The following TANC1 variants were observed in gnomAD, a reference collection of about 807,000 sequenced individuals.
The protein encoded by TANC1 is protein TANC1.
Under a neutral mutation model 149.7 loss-of-function variants are expected in TANC1, and 77 were observed. That is an observed-to-expected ratio of 0.51 (90% CI 0.43 to 0.62). The LOEUF is 0.62. Among genes scored for constraint, TANC1 ranks in the 20% least tolerant of loss-of-function variants. TANC1 has a pLI of 0.00. For synonymous variants in TANC1, 854 were observed against 925.0 expected (o/e 0.92, Z 1.39); for missense variants, 1,985 against 2,321.8 (o/e 0.85, Z 2.98).
At chr2:159,074,079 A>G (rs2149743291) in intron 3 of TANC1, among the ~76,000 whole-genome samples, 1 of 152,350 alleles carries the variant, frequency 6.6e-6, no homozygotes, top group African/African-American at 2.4e-5. Flanking sequence ...ATCCAGAATC[A>G]GAGTTAGAAC....
intron 2 of TANC1, among the ~76,000 whole-genome samples, chr2:159,036,768 A>G (rs1294599411): frequency 6.6e-6 from 1 of 152,220 alleles, no homozygotes; most frequent in Admixed American, 6.5e-5. Context: ...ATTGATGGAC[A>G]TTTGGGTTGG....
chr2:159,229,041 T>G, intron 26 of TANC1, 145 bp downstream of exon 26: 1 of 628,478 alleles, frequency 1.6e-6, no homozygotes, highest in South Asian at 1.9e-5. Context: ...TACTACCTGC[T>G]TCCAAGAGGC....
chr2:159,219,615 C>G, intron 21 of TANC1, 77 bp from the exon 22 acceptor site: 1 of 1,562,084 alleles, frequency 6.4e-7, no homozygotes, highest in Non-Finnish European at 8.8e-7. Flanking sequence ...CCGGGTGTTC[C>G]GCAGGTGTGA....
rs5835733 is a variant in TANC1, at chr2:159,086,216, A to ATT, written c.62-11410_62-11409dup. Among the ~76,000 whole-genome samples the ATT allele has an allele frequency of 8.0e-3, 1,192 of 148,200 alleles. 12 individuals carry two copies. The highest frequency in any genetic ancestry group is 0.025 in the African/African-American group (1,030 of 40,478). On this transcript the variant is annotated intron_variant, in intron 3 of 26. Coordinates refer to ENST00000263635, the MANE Select transcript of TANC1 (RefSeq NM_033394.3). ...TTATAAATTAAGAGGGTGTATTTGG[A>ATT]TTTTTTTTTTTTGAGAAAGTTTAAT...
intron 16 of TANC1, among the ~76,000 whole-genome samples, chr2:159,189,895 A>G (rs992680892): frequency 4.1e-4 from 63 of 152,328 alleles, no homozygotes; most frequent in African/African-American, 1.5e-3. Flanking sequence ...GTTAAGAACC[A>G]TAGTTTAGGG....
intron 2 of TANC1, among the ~76,000 whole-genome samples, chr2:159,063,105 C>A (rs2042386028): frequency 6.6e-6 from 1 of 151,838 alleles, no homozygotes; most frequent in African/African-American, 2.4e-5. Flanking sequence ...TGGACCAGCA[C>A]ACTCTCTCCC....
At chr2:159,134,010 C>G (rs2050385954) in intron 4 of TANC1, among the ~76,000 whole-genome samples, 1 of 152,198 alleles carries the variant, frequency 6.6e-6, no homozygotes, top group Non-Finnish European at 1.5e-5. Context: ...CATAAACCAT[C>G]TTTTGAACAG....
chr2:159,144,553 T>G (rs1194452180), intron 5 of TANC1, among the ~76,000 whole-genome samples: 1 of 152,108 alleles, frequency 6.6e-6, no homozygotes, highest in Non-Finnish European at 1.5e-5. Context: ...TTTTTTTGTA[T>G]TTTTAGTAGA....
chr2:159,170,680 G>A lies in TANC1; in HGVS notation c.1226G>A (p.Gly409Asp), dbSNP rs1392626449. 1 of 1,614,198 alleles carries A rather than the reference G, an allele frequency of 6.2e-7. No individual in the cohort carries two copies. The highest frequency in any genetic ancestry group is 1.3e-5 in the African/African-American group (1 of 75,050). Residue 409 changes from glycine (G) to aspartate (D), a missense_variant, in exon 10 of 27, where the codon GGC becomes GAC. Physicochemically the swap from Gly to Asp is moderately conservative, Grantham distance 94 (BLOSUM62 -1). This residue lies in a region of TANC1 where 557 missense variants were observed against 612.9 expected (regional missense o/e 0.91). Coordinates refer to ENST00000263635, the MANE Select transcript of TANC1 (RefSeq NM_033394.3). Reference sequence around the variant, plus strand: ...AACACAGAACTGGCAGAAAACAGAGGCGCGGTGGTGGTTGGCAATGTGGGA... The same window carrying A: ...AACACAGAACTGGCAGAAAACAGAGACGCGGTGGTGGTTGGCAATGTGGGA... ...LRNTELAENR[G>D]AVVVGNVGFG...
intron 4 of TANC1, 142 bp from the exon 5 acceptor site, chr2:159,136,051 CG>C: frequency 7.9e-6 from 1 of 126,908 alleles, no homozygotes; most frequent in Non-Finnish European, 1.6e-5. Flanking sequence ...TGTGTGTGTG[CG>C]CGCGCGCGCG....
chr2:159,049,805 G>T (rs2041337864), intron 2 of TANC1, among the ~76,000 whole-genome samples: 1 of 152,180 alleles, frequency 6.6e-6, no homozygotes, highest in South Asian at 2.1e-4. Context: ...CTAGTGAGTG[G>T]GTTTTGGAAG....
rs763485892 is a variant in TANC1, at chr2:159,136,219, G to A, written c.285G>A (p.Val95=). Residue 95 remains valine (V), a synonymous_variant, in exon 5 of 27, where the codon GTG becomes GTA. Coordinates refer to ENST00000263635, the MANE Select transcript of TANC1 (RefSeq NM_033394.3). ...GTCCCGTCAGGAAGCCCAAGTATGT[G>A]GAAAGCCCCAGAGTGCCTGGAGATG... ...SPGPVRKPKY[V]ESPRVPGDAV... 1.2e-6 allele frequency: 2 copies of A among 1,612,872 alleles called. No homozygotes were observed. The highest frequency in any genetic ancestry group is 2.7e-5 in the African/African-American group (2 of 74,986).
At chr2:158,992,889 T>C (rs2035799191) in intron 1 of TANC1, among the ~76,000 whole-genome samples, 1 of 152,204 alleles carries the variant, frequency 6.6e-6, no homozygotes, top group Non-Finnish European at 1.5e-5. Context: ...AAATAGCTGC[T>C]GTTTTGTGGA....
At chr2:159,216,894 T>C (rs1241477216) in intron 19 of TANC1, among the ~76,000 whole-genome samples, 1 of 152,240 alleles carries the variant, frequency 6.6e-6, no homozygotes, top group Non-Finnish European at 1.5e-5. Context: ...AATGAAATTT[T>C]ATGATTTTAG....
In TANC1 at chr2:159,131,465, C is replaced by G. The variant is rs953187244; in HGVS notation, c.260-4729C>G. Among the ~76,000 whole-genome samples, 278 of 152,240 alleles carry G rather than the reference C, an allele frequency of 1.8e-3. 4 individuals carry two copies. Among genetic ancestry groups the G allele is most frequent in the Non-Finnish European group, 1.8e-4 (12 of 68,018 alleles). ...GCGCCCCTGCCTTCCGATGGGCCTGCTGTCACCGAGGCTCTGGCCCGGGCT... is the reference window on the plus strand; with the variant it reads ...GCGCCCCTGCCTTCCGATGGGCCTGGTGTCACCGAGGCTCTGGCCCGGGCT... On this transcript the variant is annotated intron_variant, in intron 4 of 26. Transcript: ENST00000263635.
intron 22 of TANC1, 87 bp from the exon 23 acceptor site, chr2:159,224,145 T>C (rs2059874390): frequency 6.7e-7 from 1 of 1,488,768 alleles, no homozygotes; most frequent in East Asian, 2.3e-5. Context: ...AAAATCAGAG[T>C]GAAGCTAAGA....
At chr2:159,044,652 T>A (rs2040903760) in intron 2 of TANC1, among the ~76,000 whole-genome samples, 1 of 152,052 alleles carries the variant, frequency 6.6e-6, no homozygotes, top group Non-Finnish European at 1.5e-5. Context: ...TGCCTAGCTG[T>A]GCACAGTGGA....
At chr2:158,983,492 A>G (rs916169149) in intron 1 of TANC1, among the ~76,000 whole-genome samples, 1 of 150,994 alleles carries the variant, frequency 6.6e-6, no homozygotes, top group African/African-American at 2.4e-5. Flanking sequence ...AAAAAACACC[A>G]AACAAACAAC....
At chr2:159,158,430 T>C (rs1044772475) in intron 7 of TANC1, among the ~76,000 whole-genome samples, 6 of 152,186 alleles carry the variant, frequency 3.9e-5, no homozygotes, top group African/African-American at 1.4e-4. Context: ...GGGGCTTTCC[T>C]GTCCATAGGG....
Sources: allele counts gnomAD v4.1 joint callset (sites outside exome capture counted in the v4.1 genomes callset), GRCh38; gene constraint gnomAD v4.1.1; regional missense constraint gnomAD v4.1.1; transcripts MANE v1.5; gene names NCBI Gene and HGNC (gene_info 2026-07-23, HGNC 2026-07-21).